The following EMC2 variants were observed in gnomAD, a reference collection of about 807,000 sequenced individuals.
EMC2 encodes TPR repeat protein 35.
Under a neutral mutation model 51.6 loss-of-function variants are expected in EMC2, and 37 were observed. That is an observed-to-expected ratio of 0.72 (90% CI 0.55 to 0.94). The LOEUF (loss-of-function observed/expected upper bound fraction) is 0.94, where lower values mean the gene tolerates loss of function less well. Among genes scored for constraint, EMC2 ranks in the 40% least tolerant of loss-of-function variants. The pLI is 0.00. For missense variants in EMC2, 359 were observed against 350.9 expected, an observed-to-expected ratio of 1.02 and a Z score of -0.18; for synonymous variants, 131 against 112.4, an observed-to-expected ratio of 1.17 and a Z score of -1.04.
rs372987841 is a variant in EMC2 at position 108,479,077 on chromosome 8, T to C, written c.774T>C (p.Ser258=). Residue 258 remains serine, a synonymous_variant, in exon 10 of 11, where the codon AGT becomes AGC. Coordinates refer to ENST00000220853, the MANE Select transcript of EMC2 (RefSeq NM_014673.5). ...AAAAGGACAACATGAAATATGCTAG[T>C]TGGGCAGCTAGTCAAATAAACAGAG... The part of the protein sequence containing the change: ...KTKKDNMKYA[S]WAASQINRAY... 9 of 1,584,458 alleles carry C rather than the reference T, an allele frequency of 5.7e-6. No homozygotes were observed. The highest frequency in any genetic ancestry group is 7.7e-6 in the Non-Finnish European group (9 of 1,164,770).
At chr8:108,463,690 T>C (rs969747889) in intron 5 of EMC2, among the ~76,000 whole-genome samples, 1 of 152,056 alleles carries the variant, frequency 6.6e-6, no homozygotes, top group Admixed American at 6.6e-5. Context: ...GTAAAGATGG[T>C]TTTTTTCGGT....
intron 5 of EMC2, among the ~76,000 whole-genome samples, chr8:108,460,571 T>G (rs1263301756): frequency 6.6e-6 from 1 of 152,206 alleles, no homozygotes; most frequent in Non-Finnish European, 1.5e-5. Flanking sequence ...TGCACAAAAT[T>G]ACTTAAAATA....
intron 10 of EMC2, 59 bp from the exon 11 acceptor site, chr8:108,486,453 T>C: frequency 6.7e-7 from 1 of 1,481,818 alleles, no homozygotes; most frequent in Non-Finnish European, 9.0e-7. Context: ...AAGATTGTCA[T>C]TTTTAACCTG....
chr8:108,471,796 T>A (rs1445156133), intron 7 of EMC2, among the ~76,000 whole-genome samples: 2 of 151,950 alleles, frequency 1.3e-5, no homozygotes, highest in Non-Finnish European at 2.9e-5. Flanking sequence ...TTAAATTCTT[T>A]GAAGTAAAAT....
chr8:108,453,983 C>T (rs1384536885), intron 4 of EMC2, among the ~76,000 whole-genome samples: 1 of 152,082 alleles, frequency 6.6e-6, no homozygotes, highest in Admixed American at 6.6e-5. Context: ...TTTATCCCTA[C>T]TGATTTTTCT....
rs544508906 is a variant in EMC2, at chr8:108,478,724, T to C, written c.703-282T>C. ...CTAGAGCTTCTTTATTTAAATGATA[T>C]GGAATTTTACCTTTAAGAGCTGTTA... On this transcript the variant is annotated intron_variant, in intron 9 of 10. Transcript: ENST00000220853. Among the ~76,000 whole-genome samples the C allele has an allele frequency of 1.1e-3, 167 of 152,066 alleles. 2 individuals are homozygous for C. Among genetic ancestry groups the C allele is most frequent in the African/African-American group, 3.4e-3 (143 of 41,554 alleles).
At chr8:108,448,380 T>A (rs1334411389) in intron 1 of EMC2, among the ~76,000 whole-genome samples, 2 of 152,114 alleles carry the variant, frequency 1.3e-5, no homozygotes, top group African/African-American at 4.8e-5. Context: ...TGGCTCTGTG[T>A]CCCCACCCAA....
At chr8:108,480,089 A>G (rs939967837) in intron 10 of EMC2, among the ~76,000 whole-genome samples, 1 of 152,146 alleles carries the variant, frequency 6.6e-6, no homozygotes, top group African/African-American at 2.4e-5. Flanking sequence ...CAGTACACCC[A>G]TTTAGTACAT....
intron 5 of EMC2, among the ~76,000 whole-genome samples, chr8:108,461,545 A>G (rs945371100): frequency 2.0e-5 from 3 of 152,220 alleles, no homozygotes; most frequent in Non-Finnish European, 4.4e-5. Flanking sequence ...TTGTATCCCA[A>G]GTGAATGCAT....
intron 5 of EMC2, among the ~76,000 whole-genome samples, chr8:108,459,721 A>T (rs868732973): frequency 5.8e-4 from 80 of 136,966 alleles, no homozygotes; most frequent in African/African-American, 1.9e-3. Context: ...AGAGAGAGAG[A>T]GTGTGTGTGT....
chr8:108,484,970 G>A (rs1811108325), intron 10 of EMC2, among the ~76,000 whole-genome samples: 1 of 151,920 alleles, frequency 6.6e-6, no homozygotes, highest in African/African-American at 2.4e-5. Flanking sequence ...TGATTTTTAT[G>A]AGAAGCTTTT....
At chr8:108,456,453 G>A (rs1378364014) in intron 5 of EMC2, among the ~76,000 whole-genome samples, 1 of 150,352 alleles carries the variant, frequency 6.7e-6, no homozygotes, top group Non-Finnish European at 1.5e-5. Context: ...TGAAGTTTAT[G>A]AAATACTGAA....
At position 108,453,104 on chromosome 8, in the gene EMC2, A is replaced by C. The variant is rs752680316; in HGVS notation, c.262A>C (p.Arg88=). 1.2e-6 allele frequency: 2 copies of C among 1,607,962 alleles called. No individual in the cohort carries two copies. The highest frequency in any genetic ancestry group is 1.7e-6 in the Non-Finnish European group (2 of 1,177,080). The part of the protein sequence containing the change: ...ELRRQFPGSH[R]VKRLTGMRFE... ...GAGAAGACAGTTCCCTGGCAGTCAC[A>C]GAGTCAAGCGATTAACAGGCATGAG... The change falls in exon 4 of 11, where the codon AGA becomes CGA. Residue 88 remains arginine (R), a synonymous_variant. Coordinates refer to ENST00000220853, the MANE Select transcript of EMC2 (RefSeq NM_014673.5).
chr8:108,455,644 A>G (rs780064595), intron 4 of EMC2, among the ~76,000 whole-genome samples: 5 of 152,144 alleles, frequency 3.3e-5, no homozygotes, highest in East Asian at 1.9e-4. Flanking sequence ...GAAATTTTCT[A>G]TAAGTACTAT....
chr8:108,482,190 C>G (rs1258251279), intron 10 of EMC2, among the ~76,000 whole-genome samples: 1 of 152,206 alleles, frequency 6.6e-6, no homozygotes, highest in Non-Finnish European at 1.5e-5. Context: ...TACAGCCATT[C>G]TGGTACATGT....
At chr8:108,463,729 C>G (rs947138092) in intron 5 of EMC2, among the ~76,000 whole-genome samples, 1 of 151,758 alleles carries the variant, frequency 6.6e-6, no homozygotes, top group African/African-American at 2.4e-5. Flanking sequence ...GATTTTTATT[C>G]AGGCTTCTCA....
intron 1 of EMC2, among the ~76,000 whole-genome samples, chr8:108,447,988 A>T (rs1374221772): frequency 6.6e-6 from 1 of 152,008 alleles, no homozygotes; most frequent in South Asian, 2.1e-4. Context: ...AATGCTTTAC[A>T]CGAATTTTCT....
At chr8:108,464,647 A>G (rs1819423504) in intron 5 of EMC2, among the ~76,000 whole-genome samples, 2 of 152,236 alleles carry the variant, frequency 1.3e-5, no homozygotes, top group South Asian at 4.1e-4. Context: ...TTCCATTTAC[A>G]GGAAACAGAA....
chr8:108,480,744 C>G (rs927678333), intron 10 of EMC2, among the ~76,000 whole-genome samples: 1 of 152,090 alleles, frequency 6.6e-6, no homozygotes, highest in South Asian at 2.1e-4. Flanking sequence ...CTGCCCTGTT[C>G]AGTTTGGTTT....
Sources: gnomAD v4.1 joint callset for allele counts (sites outside exome capture counted in the v4.1 genomes callset) on GRCh38, gnomAD v4.1.1 for gene constraint, MANE v1.5 for transcripts, NCBI Gene and HGNC (gene_info 2026-07-23, HGNC 2026-07-21) for gene names.